Variants in NARS2 observed in about 807,000 individuals in gnomAD.
The protein encoded by NARS2 is asparaginyl-tRNA synthetase.
A neutral mutation model predicts 62.9 loss-of-function variants in NARS2; 60 were observed. The ratio of observed to expected loss-of-function variants is 0.95; its 90% CI spans 0.77 to 1.18. The LOEUF (loss-of-function observed/expected upper bound fraction) is 1.18. NARS2 is among the 50% of genes most tolerant of loss of function. The probability of loss-of-function intolerance (pLI) is 0.00; values close to 1 mark genes in which losing one functional copy is unlikely to be tolerated. For synonymous variants in NARS2, 196 were observed against 200.0 expected (o/e 0.98, Z 0.17); for missense variants, 619 against 576.4 (o/e 1.07, Z -0.76).
At chr11:78,501,868 T>C (rs1157274189) in intron 6 of NARS2, among the ~76,000 whole-genome samples, 1 of 152,142 alleles carries the variant, frequency 6.6e-6, no homozygotes, top group Non-Finnish European at 1.5e-5. Context: ...AGACAGGTAT[T>C]CAAACAAAAC....
In NARS2 at chr11:78,469,282, T is replaced by G. The variant is rs752062550; in HGVS notation, c.991A>C (p.Lys331Gln). Reference protein sequence around the residue: ...ISYTEAVEILKQASQNFTFTP... With the variant: ...ISYTEAVEILQQASQNFTFTP... ...AAGGTGAAGTTCTGGGATGCTTGCT[T>G]TAAGATCTCCACTGCTTCAGTATAA... Residue 331 changes from lysine to glutamine, a missense_variant, in exon 10 of 14, where the codon AAG becomes CAG. By Grantham distance (53) the Lys-to-Gln change is moderately conservative. Transcript: ENST00000281038. The G allele has an allele frequency of 9.3e-6, 15 of 1,613,314 alleles. No individual in the cohort carries two copies. The South Asian group carries it at 1.6e-4, about 18-fold the overall frequency.
At chr11:78,499,754 T>G (rs1304589266) in intron 6 of NARS2, among the ~76,000 whole-genome samples, 2 of 152,180 alleles carry the variant, frequency 1.3e-5, no homozygotes, top group Non-Finnish European at 2.9e-5. Context: ...GGCTCCTGAG[T>G]GAAATGCCAC....
At chr11:78,472,080 A>C (rs190725297) in intron 9 of NARS2, among the ~76,000 whole-genome samples, 71 of 152,272 alleles carry the variant, frequency 4.7e-4, no homozygotes, top group Non-Finnish European at 9.7e-4. Flanking sequence ...TCATGTCTAA[A>C]TATCTCCTGT....
intron 5 of NARS2, among the ~76,000 whole-genome samples, chr11:78,539,593 T>C (rs1855530029): frequency 6.6e-6 from 1 of 152,162 alleles, no homozygotes; most frequent in African/African-American, 2.4e-5. Context: ...GATAAACAGT[T>C]TGGGACTGCA....
chr11:78,477,943 G>A (rs552707162), intron 9 of NARS2, among the ~76,000 whole-genome samples: 2 of 151,992 alleles, frequency 1.3e-5, no homozygotes, highest in South Asian at 2.1e-4. Context: ...CACACACCCC[G>A]CCCTCAAACG....
At chr11:78,506,210 G>C (rs1369776927) in intron 6 of NARS2, among the ~76,000 whole-genome samples, 1 of 152,166 alleles carries the variant, frequency 6.6e-6, no homozygotes, top group Non-Finnish European at 1.5e-5. Flanking sequence ...TTTTGTCAAA[G>C]ACGTGGACCA....
chr11:78,470,793 C>T (rs1858837197), intron 9 of NARS2, among the ~76,000 whole-genome samples: 1 of 151,742 alleles, frequency 6.6e-6, no homozygotes, highest in African/African-American at 2.4e-5. Flanking sequence ...AAGATATTGC[C>T]CCCTTTTATA....
chr11:78,463,730 A>AAC (rs1410906608), intron 11 of NARS2, among the ~76,000 whole-genome samples: 2 of 150,292 alleles, frequency 1.3e-5, no homozygotes, highest in South Asian at 2.1e-4. Flanking sequence ...AAAAAAAAAA[A>AAC]AAAAAAACCA....
intron 6 of NARS2, among the ~76,000 whole-genome samples, chr11:78,524,191 T>C (rs974296065): frequency 1.3e-5 from 2 of 152,142 alleles, no homozygotes; most frequent in Non-Finnish European, 2.9e-5. Flanking sequence ...TTTTTCTTGG[T>C]ATACTTAGGT....
At chr11:78,480,726 A>G (rs1859317847) in intron 7 of NARS2, among the ~76,000 whole-genome samples, 2 of 152,098 alleles carry the variant, frequency 1.3e-5, no homozygotes, top group South Asian at 4.1e-4. Flanking sequence ...TCAAAAGACT[A>G]GATAATAGTA....
chr11:78,510,862 A>C (rs747579364), intron 6 of NARS2, among the ~76,000 whole-genome samples: 6 of 152,228 alleles, frequency 3.9e-5, no homozygotes, highest in Non-Finnish European at 7.3e-5. Context: ...CTACTGGATA[A>C]ATCTCAAAAG....
intron 6 of NARS2, among the ~76,000 whole-genome samples, chr11:78,514,011 T>C (rs956144113): frequency 1.3e-5 from 2 of 152,182 alleles, no homozygotes; most frequent in East Asian, 1.9e-4. Context: ...CCTTCTTCCA[T>C]GATTAGAAGC....
chr11:78,538,693 G>GAAA (rs1855473580), intron 5 of NARS2, among the ~76,000 whole-genome samples: 1 of 152,036 alleles, frequency 6.6e-6, no homozygotes, highest in East Asian at 1.9e-4. Context: ...TCAAGAGTAA[G>GAAA]ACTGTTAAAA....
intron 6 of NARS2, among the ~76,000 whole-genome samples, chr11:78,499,291 T>C (rs993113879): frequency 6.6e-6 from 1 of 152,102 alleles, no homozygotes; most frequent in African/African-American, 2.4e-5. Flanking sequence ...TTCTATAAAA[T>C]ATGCTGATCC....
At chr11:78,523,390 T>A (rs1001489446) in intron 6 of NARS2, among the ~76,000 whole-genome samples, 1 of 152,214 alleles carries the variant, frequency 6.6e-6, no homozygotes. Context: ...TGGTCCAGCC[T>A]CTGTGGAAAA....
intron 6 of NARS2, among the ~76,000 whole-genome samples, chr11:78,498,551 T>C (rs1860151158): frequency 6.6e-6 from 1 of 152,132 alleles, no homozygotes; most frequent in African/African-American, 2.4e-5. Flanking sequence ...TCCAAAAGTA[T>C]ATATCCATCT....
At position 78,436,786 on chromosome 11, in the gene NARS2, C is replaced by A. The variant is rs759504704; in HGVS notation, c.1318G>T (p.Val440Leu). 6.2e-7 allele frequency: 1 copy of A among 1,614,184 alleles called. No individual in the cohort carries two copies. Among genetic ancestry groups the A allele is most frequent in the Non-Finnish European group, 8.5e-7 (1 of 1,180,010 alleles). Residue 440 changes from valine to leucine, a missense_variant, in exon 14 of 14, where the codon GTG becomes TTG. Transcript: ENST00000281038. ...WYLDLRRFGS[V>L]PHGGFGMGFE... ...CCCATCCCAAAACCTCCATGTGGCACAGATCCAAATCGACGAAGGTCCAGA... is the reference window on the plus strand; with the variant it reads ...CCCATCCCAAAACCTCCATGTGGCAAAGATCCAAATCGACGAAGGTCCAGA...
At chr11:78,467,513 C>T (rs957104817) in intron 10 of NARS2, among the ~76,000 whole-genome samples, 2 of 151,044 alleles carry the variant, frequency 1.3e-5, no homozygotes, top group Non-Finnish European at 2.9e-5. Flanking sequence ...ACTCCAGCCT[C>T]GGCAACACAG....
At chr11:78,569,615 T>C (rs1856852096) in intron 2 of NARS2, among the ~76,000 whole-genome samples, 2 of 152,232 alleles carry the variant, frequency 1.3e-5, no homozygotes, top group African/African-American at 4.8e-5. Flanking sequence ...GCTAAATATA[T>C]GCTATTCTTA....
Sources: gnomAD v4.1 joint callset for allele counts (sites outside exome capture counted in the v4.1 genomes callset) on GRCh38, gnomAD v4.1.1 for gene constraint, MANE v1.5 for transcripts, NCBI Gene and HGNC (gene_info 2026-07-23, HGNC 2026-07-21) for gene names.